The following CD99L2 variants were observed in gnomAD, a reference collection of about 807,000 sequenced individuals.
The protein encoded by CD99L2 is CD99 antigen-like protein 2.
In CD99L2, 24 loss-of-function variants were observed where a neutral mutation model predicts 27.3. The ratio of observed to expected loss-of-function variants is 0.88; its 90% CI spans 0.64 to 1.24. CD99L2 has a LOEUF of 1.24. Ranked by LOEUF, CD99L2 falls within the 50% of genes most tolerant of loss-of-function variation. CD99L2 has a pLI of 0.00. For missense variants in CD99L2, 255 were observed against 221.6 expected (o/e 1.15, Z -0.96); for synonymous variants, 97 against 87.9 (o/e 1.10, Z -0.58).
intron 1 of CD99L2, among the ~76,000 whole-genome samples, chrX:150,898,067 C>G (rs868926965): frequency 0.027 from 1,386 of 50,703 alleles, 108 homozygotes; most frequent in Non-Finnish European, 0.05. Flanking sequence ...CCCCCCCCCC[C>G]CCCCCACAGC....
chrX:150,815,017 C>A (rs2046132021), intron 3 of CD99L2, 81 bp from the exon 4 acceptor site: 2 of 1,023,753 alleles, frequency 2.0e-6, no homozygotes, highest in Admixed American at 4.5e-5. Flanking sequence ...GCAAAATGCC[C>A]ATGGGTTCAA....
chrX:150,822,066 T>C (rs2046250560), intron 2 of CD99L2, among the ~76,000 whole-genome samples: 1 of 112,385 alleles, frequency 8.9e-6, no homozygotes, highest in Admixed American at 9.4e-5. Context: ...AGTACGTGTA[T>C]ATAGCATGTT....
rs143627640 is a variant in CD99L2, at chrX:150,874,862, T to C, written c.67+23660A>G. ...ACAGAAATCTTTCATGTTCCCCCATTCTCCCAGACTGATTCCACCTGTTCC... is the reference window on the plus strand; with the variant it reads ...ACAGAAATCTTTCATGTTCCCCCATCCTCCCAGACTGATTCCACCTGTTCC... On this transcript the variant is annotated intron_variant, in intron 1 of 10. Transcript: ENST00000370377. Among the ~76,000 whole-genome samples, 578 of 111,924 alleles carry C rather than the reference T, an allele frequency of 5.2e-3. 7 individuals are homozygous for C. Among genetic ancestry groups the C allele is most frequent in the Middle Eastern group, 0.014 (3 of 218 alleles).
chrX:150,823,022 C>G (rs2046264226), intron 2 of CD99L2, among the ~76,000 whole-genome samples: 1 of 111,709 alleles, frequency 9.0e-6, no homozygotes, highest in Non-Finnish European at 1.9e-5. Flanking sequence ...GAGCTTTTCT[C>G]CCCCTTCACT....
intron 7 of CD99L2, among the ~76,000 whole-genome samples, chrX:150,783,655 G>C (rs782305128): frequency 4.5e-5 from 5 of 112,205 alleles, no homozygotes; most frequent in Admixed American, 3.8e-4. Flanking sequence ...TAAGAAAAAT[G>C]AGGCAGTGTT....
At chrX:150,785,414 T>C (rs2045578670) in intron 7 of CD99L2, among the ~76,000 whole-genome samples, 1 of 112,060 alleles carries the variant, frequency 8.9e-6, no homozygotes, top group African/African-American at 3.2e-5. Context: ...TCGATCTTAT[T>C]TTTGTAACAC....
At chrX:150,895,931 C>T (rs1181703399) in intron 1 of CD99L2, among the ~76,000 whole-genome samples, 1 of 105,479 alleles carries the variant, frequency 9.5e-6, no homozygotes, top group African/African-American at 3.5e-5. Context: ...GAGGTTGACG[C>T]AGGAGAATGG....
At chrX:150,857,445 G>A (rs1331742301) in intron 1 of CD99L2, among the ~76,000 whole-genome samples, 2 of 109,446 alleles carry the variant, frequency 1.8e-5, no homozygotes, top group Non-Finnish European at 3.8e-5. Context: ...AGAATGGCAC[G>A]ATATGTTCAA....
At chrX:150,789,120 TTTTC>T (rs1404784373) in intron 7 of CD99L2, among the ~76,000 whole-genome samples, 6 of 64,801 alleles carry the variant, frequency 9.3e-5, no homozygotes, top group Admixed American at 5.2e-4. Context: ...TGAATTCTTT[TTTTC>T]TTTTTTTTTT....
At chrX:150,868,749 G>A (rs2047110138) in intron 1 of CD99L2, among the ~76,000 whole-genome samples, 1 of 111,996 alleles carries the variant, frequency 8.9e-6, no homozygotes, top group South Asian at 3.7e-4. Context: ...AACATGTGGT[G>A]TTTCACTTTC....
chrX:150,831,313 A>G lies in CD99L2; in HGVS notation c.68-20T>C. The G allele has an allele frequency of 8.9e-7, 1 of 1,121,381 alleles. No individual in the cohort carries two copies. Among genetic ancestry groups the G allele is most frequent in the African/African-American group, 1.8e-5 (1 of 55,395 alleles). 92.4% of individuals were successfully genotyped at this position (1,121,381 alleles called of 1,213,427 possible). ...CAGATCCTAAAAATTAAAAAAAAAA[A>G]TTAAACTATCTTTGCATAAAACAAA... On this transcript the variant is annotated intron_variant, in intron 1 of 10. Transcript: ENST00000370377.
At chrX:150,831,155 C>A in intron 2 of CD99L2, 76 bp downstream of exon 2, 2 of 790,835 alleles carry the variant, frequency 2.5e-6, no homozygotes, top group Non-Finnish European at 3.7e-6. Context: ...ATTTTTCTTG[C>A]GCATATATTC....
Position 150,816,010 on chromosome X carries a change from G to A in CD99L2, c.199C>T (p.Pro67Ser). 8.3e-7 allele frequency: 1 copy of A among 1,211,407 alleles called. No individual in the cohort carries two copies. The highest frequency in any genetic ancestry group is 1.1e-6 in the Non-Finnish European group (1 of 895,234). Residue 67 changes from proline (P) to serine (S), a missense_variant, in exon 3 of 11, where the codon CCA becomes TCA. Transcript: ENST00000370377. ...CTCCTTAAGGCAGCCACATTACCTG[G>A]AGGTTTTGCCGGAGCTCTGGTGGTT... ...PGTTRAPAKP[P>S]GSGLDLADAL...
chrX:150,817,267 T>C (rs932324562), intron 2 of CD99L2, among the ~76,000 whole-genome samples: 10 of 109,469 alleles, frequency 9.1e-5, no homozygotes, highest in Admixed American at 7.8e-4. Flanking sequence ...CCCAAGAGGC[T>C]TGCAGCACAC....
At chrX:150,857,921 C>T (rs1192116868) in intron 1 of CD99L2, among the ~76,000 whole-genome samples, 2 of 111,879 alleles carry the variant, frequency 1.8e-5, no homozygotes, top group Non-Finnish European at 3.8e-5. Context: ...AAAACATGAT[C>T]CAACTATGTG....
In CD99L2 at chrX:150,814,938, T is replaced by C. The variant is rs781862677; in HGVS notation, c.203-2A>G. 8.3e-7 allele frequency: 1 copy of C among 1,210,470 alleles called. No homozygotes were observed. The highest frequency in any genetic ancestry group is 1.8e-5 in the South Asian group (1 of 56,784). On this transcript the variant is annotated splice_acceptor_variant, in intron 3 of 10. Coordinates refer to ENST00000370377, the MANE Select transcript of CD99L2 (RefSeq NM_031462.4). LOFTEE classifies it high-confidence loss of function. ...CATCAGCCAAGTCCAATCCACTACC[T>C]TCAGTGGGCCCCAAAACATAAAGGA...
At chrX:150,817,909 T>C (rs1454051375) in intron 2 of CD99L2, among the ~76,000 whole-genome samples, 4 of 110,632 alleles carry the variant, frequency 3.6e-5, no homozygotes, top group African/African-American at 9.9e-5. Context: ...AGATATACTA[T>C]GCAAACAACA....
At chrX:150,777,355 G>T in intron 8 of CD99L2, 89 bp downstream of exon 8, 2 of 1,096,445 alleles carry the variant, frequency 1.8e-6, no homozygotes, top group Non-Finnish European at 2.5e-6. Flanking sequence ...TTTCTAGCTT[G>T]ACTTTTCCCT....
Position 150,896,005 on chromosome X carries a change from G to A in CD99L2, c.67+2517C>T, listed in dbSNP as rs193292765. Among the ~76,000 whole-genome samples the A allele has an allele frequency of 4.1e-4, 34 of 83,903 alleles. 1 individual carries two copies. Among genetic ancestry groups the A allele is most frequent in the East Asian group, 1.5e-3 (4 of 2,755 alleles). 72.9% of individuals were successfully genotyped at this position (83,903 alleles called of 115,157 possible). On this transcript the variant is annotated intron_variant, in intron 1 of 10. Coordinates refer to ENST00000370377, the MANE Select transcript of CD99L2 (RefSeq NM_031462.4). ...CGCGCCACTGCACTCTAGTCTGGGC[G>A]ACATAGCAAGACTCTGTTTCCAAAA...
Sources: gnomAD v4.1 joint callset for allele counts (sites outside exome capture counted in the v4.1 genomes callset) on GRCh38, gnomAD v4.1.1 for gene constraint, MANE v1.5 for transcripts, NCBI Gene and HGNC (gene_info 2026-07-23, HGNC 2026-07-21) for gene names.